RP1: variants seen among roughly 807,000 people sequenced by gnomAD.
RP1 encodes the protein RP1 axonemal microtubule associated.
Under a neutral mutation model 14.8 loss-of-function variants are expected in RP1, and 16 were observed. The ratio of observed to expected loss-of-function variants is 1.08; its 90% confidence interval spans 0.73 to 1.65. The LOEUF (loss-of-function observed/expected upper bound fraction) is 1.65. Among genes scored for constraint, RP1 ranks in the 40% most tolerant of loss-of-function variants. The probability of loss-of-function intolerance (pLI) is 0.00; values close to 1 mark genes in which losing one functional copy is unlikely to be tolerated. For missense variants in RP1, 2,631 were observed against 2,535.0 expected (o/e 1.04, Z -0.81); for synonymous variants, 876 against 883.6 (o/e 0.99, Z 0.15).
chr8:54,575,504 C>T lies in RP1; in HGVS notation c.-13+16184C>T, dbSNP rs1804621473. ...ATCACATCATGGAGAATGGAATAGC[C>T]ATCCCCTCACATTTATATTTTGTGT... On this transcript the variant is annotated intron_variant, in intron 1 of 22. Transcript: ENST00000636932. Among the ~76,000 whole-genome samples the T allele has an allele frequency of 2.6e-5, 4 of 152,150 alleles. No homozygotes were observed. The South Asian group carries it at 8.3e-4, about 32-fold the overall frequency.
At chr8:54,770,649 A>G (rs947331250), downstream of RP1, among the ~76,000 whole-genome samples, 15 of 150,790 alleles carry the variant, frequency 9.9e-5, no homozygotes, top group East Asian at 2.9e-3. Context: ...ATGTCACAAA[A>G]AGTAACCACA....
At chr8:54,692,776 A>T (rs1437246966) in intron 12 of RP1, among the ~76,000 whole-genome samples, 2 of 149,626 alleles carry the variant, frequency 1.3e-5, no homozygotes, top group African/African-American at 5.0e-5. Context: ...TTGCCTGTTC[A>T]CTCTGATTGT....
intron 24 of RP1, among the ~76,000 whole-genome samples, chr8:54,799,881 G>T (rs1368689243): frequency 6.6e-6 from 1 of 151,686 alleles, no homozygotes; most frequent in Non-Finnish European, 1.5e-5. Flanking sequence ...ATATTTTAGA[G>T]AATTAAAAAT....
chr8:54,627,642 G>A lies in RP1; in HGVS notation c.3760G>A (p.Val1254Met). ...TGCCCCTGAAGTCTGTGTTTTGGAA[G>A]TGACTTGCTCTCCATGTGAGATGTG... ...ACAPEVCVLE[V>M]TCSPCEMCTV... Residue 1254 changes from valine to methionine, a missense_variant, in exon 4 of 4, where the codon GTG (valine) becomes ATG (methionine). By Grantham distance (21) the Val-to-Met change is conservative. Transcript: ENST00000220676. The A allele has an allele frequency of 6.2e-7, 1 of 1,614,170 alleles. No individual in the cohort carries two copies. Among genetic ancestry groups the A allele is most frequent in the East Asian group, 2.2e-5 (1 of 44,894 alleles).
At chr8:54,593,015 A>G (rs1461632925) in intron 1 of RP1, among the ~76,000 whole-genome samples, 2 of 152,210 alleles carry the variant, frequency 1.3e-5, no homozygotes, top group Non-Finnish European at 2.9e-5. Context: ...TCTAGCCTCT[A>G]TGAGGAAGTC....
Position 54,630,579 on chromosome 8 carries a change from C to T in RP1, c.*226C>T. On this transcript the variant is annotated 3_prime_UTR_variant, in exon 4 of 4. Transcript: ENST00000220676. ...GTTCTCTTATTTTGGAAGTTTCTAT[C>T]TGGTTTTGTTCTGAACTTACATTTT... 7.7e-7 allele frequency: 1 copy of T among 1,296,974 alleles called. No homozygotes were observed. The highest frequency in any genetic ancestry group is 1.9e-5 in the South Asian group (1 of 53,874). The allele number at this position is 1,296,974 out of a possible 1,614,324, so 80.3% of individuals were successfully genotyped here.
rs1266478570 is a variant in RP1 at position 54,686,554 on chromosome 8, G to C, written c.1717+6621G>C. ...TAAAAGCAGACACACAGCATGAGAA[G>C]TTCTTTGAAATGGCACAGGGAACTT... On this transcript the variant is annotated intron_variant, in intron 12 of 22. Transcript: ENST00000636932. 2.0e-5 allele frequency among the ~76,000 whole-genome samples: 3 copies of C among 152,126 alleles called. No individual in the cohort carries two copies. The East Asian group carries it at 5.8e-4, about 29-fold the overall frequency.
intron 24 of RP1, among the ~76,000 whole-genome samples, chr8:54,791,000 C>G (rs1810451239): frequency 6.6e-6 from 1 of 152,104 alleles, no homozygotes; most frequent in Admixed American, 6.5e-5. Context: ...GATTTGTGAA[C>G]CCCAAGTGTC....
chr8:54,589,718 C>G (rs1395158902), intron 1 of RP1, among the ~76,000 whole-genome samples: 1 of 152,154 alleles, frequency 6.6e-6, no homozygotes, highest in Non-Finnish European at 1.5e-5. Flanking sequence ...ACTGACAACT[C>G]CATAATTTTT....
intron 1 of RP1, chr8:54,560,600 G>A (rs919475671): frequency 4.6e-5 from 7 of 151,968 alleles, no homozygotes; most frequent in African/African-American, 7.2e-5. Context: ...AGGTTTCTGC[G>A]AGGGAGGCAA....
At chr8:54,759,629 C>A (rs1165603147) in intron 22 of RP1, among the ~76,000 whole-genome samples, 1 of 152,182 alleles carries the variant, frequency 6.6e-6, no homozygotes, top group Non-Finnish European at 1.5e-5. Context: ...TTCTTCAAAT[C>A]TCCTCATAGA....
rs201519839 is a variant in RP1, at chr8:54,628,713, C to A, written c.4831C>A (p.Pro1611Thr). 3.3e-5 allele frequency: 53 copies of A among 1,614,030 alleles called. No individual in the cohort carries two copies. In the East Asian group the frequency reaches 1.1e-3, roughly 33 times the overall value. ...EQPYKTSSDD[P>T]NDSGELTQEK... Reference sequence around the variant, plus strand: ...GCCATATAAAACATCCAGTGATGATCCCAATGACAGTGGCGAACTTACCCA... The same window carrying A: ...GCCATATAAAACATCCAGTGATGATACCAATGACAGTGGCGAACTTACCCA... Residue 1611 changes from proline (P) to threonine (T), a missense_variant, in exon 4 of 4, where the codon CCC becomes ACC. Pro to Thr is a conservative substitution (Grantham distance 38). Transcript: ENST00000220676.
chr8:54,859,153 TGTC>T (rs1336768017), intron 27 of RP1, among the ~76,000 whole-genome samples: 1 of 151,680 alleles, frequency 6.6e-6, no homozygotes, highest in Non-Finnish European at 1.5e-5. Flanking sequence ...TGTGGAGTGT[TGTC>T]AGTGTGGAGT....
At chr8:54,677,741 T>A (rs1054771093) in intron 8 of RP1, among the ~76,000 whole-genome samples, 1 of 151,760 alleles carries the variant, frequency 6.6e-6, no homozygotes, top group African/African-American at 2.4e-5. Context: ...CATATACAAA[T>A]AAAAAATAAA....
intron 17 of RP1, among the ~76,000 whole-genome samples, chr8:54,727,471 T>C (rs1808683676): frequency 1.3e-5 from 2 of 152,042 alleles, no homozygotes; most frequent in Admixed American, 1.3e-4. Flanking sequence ...CCCTGGGGGA[T>C]AGATACTTTT....
At chr8:54,694,603 G>A (rs1301000098) in intron 12 of RP1, among the ~76,000 whole-genome samples, 1 of 152,146 alleles carries the variant, frequency 6.6e-6, no homozygotes, top group African/African-American at 2.4e-5. Flanking sequence ...TAGTTTATTT[G>A]CGTAGAGGTG....
downstream of RP1, among the ~76,000 whole-genome samples, chr8:54,772,732 T>C (rs1469795009): frequency 6.6e-6 from 1 of 152,184 alleles, no homozygotes; most frequent in Non-Finnish European, 1.5e-5. Flanking sequence ...ACTTCAGGGA[T>C]TGTACTGTTC....
At chr8:54,595,425 G>C (rs1315167975) in intron 1 of RP1, among the ~76,000 whole-genome samples, 1 of 152,106 alleles carries the variant, frequency 6.6e-6, no homozygotes, top group Non-Finnish European at 1.5e-5. Flanking sequence ...CACCACGCCT[G>C]GCCCCCTCCA....
rs753173264 is a variant in RP1, at chr8:54,626,944, A to G, written c.3062A>G (p.His1021Arg). ...AATGATGCTTATTTGGTTCCCCTGC[A>G]TGAACACTGTACTTTGTCACAGTCA... ...SLNDAYLVPL[H>R]EHCTLSQSAI... Residue 1021 changes from histidine to arginine, a missense_variant, in exon 4 of 4, where the codon CAT (histidine) becomes CGT (arginine). His to Arg is a conservative substitution (Grantham distance 29). Coordinates refer to ENST00000220676, the MANE Select transcript of RP1 (RefSeq NM_006269.2). The G allele has an allele frequency of 1.9e-6, 3 of 1,613,992 alleles. No homozygotes were observed. In the South Asian group the frequency reaches 3.3e-5, roughly 18 times the overall value.
Sources: allele counts gnomAD v4.1 joint callset (sites outside exome capture counted in the v4.1 genomes callset), GRCh38; gene constraint gnomAD v4.1.1; transcripts MANE v1.5; gene names NCBI Gene and HGNC (gene_info 2026-07-23, HGNC 2026-07-21).